HEXB: variants seen among roughly 807,000 people sequenced by gnomAD.
The protein encoded by HEXB is hexosaminidase subunit beta.
Under a neutral mutation model 71.2 loss-of-function variants are expected in HEXB, and 51 were observed. The observed-to-expected ratio is 0.72, with a 90% CI of 0.57 to 0.90. HEXB has a LOEUF of 0.90. Ranked by LOEUF, HEXB falls within the 40% of genes least tolerant of loss-of-function variation. The probability of loss-of-function intolerance (pLI) is 0.00; values close to 1 mark genes in which losing one functional copy is unlikely to be tolerated. For synonymous variants in HEXB, 266 were observed against 249.3 expected (o/e 1.07, Z -0.63); for missense variants, 617 against 677.0 (o/e 0.91, Z 0.98).
upstream of HEXB, among the ~76,000 whole-genome samples, chr5:74,684,956 C>T (rs1234084768): frequency 1.3e-5 from 2 of 152,164 alleles, no homozygotes. Context: ...GGGCTACAGG[C>T]GTGAGCCACC....
upstream of HEXB, among the ~76,000 whole-genome samples, chr5:74,684,107 C>A (rs1748793867): frequency 6.6e-6 from 1 of 152,214 alleles, no homozygotes; most frequent in Non-Finnish European, 1.5e-5. Context: ...GCGTGAGCCG[C>A]CGCACCTGGC....
At chr5:74,708,457 A>C (rs1490333146) in intron 6 of HEXB, among the ~76,000 whole-genome samples, 14 of 148,796 alleles carry the variant, frequency 9.4e-5, no homozygotes, top group African/African-American at 3.4e-4. Flanking sequence ...CTTTAAATGT[A>C]AATGGACTAA....
At chr5:74,692,522 T>A (rs1396099472) in intron 2 of HEXB, among the ~76,000 whole-genome samples, 1 of 152,156 alleles carries the variant, frequency 6.6e-6, no homozygotes, top group Non-Finnish European at 1.5e-5. Flanking sequence ...AGAGGAAACA[T>A]AATTAGACTA....
rs565782509 is a variant in HEXB at position 74,703,101 on chromosome 5, C to T, written c.670-2118C>T. Among the ~76,000 whole-genome samples the T allele has an allele frequency of 6.6e-5, 10 of 152,238 alleles. No homozygotes were observed. The East Asian group carries it at 7.7e-4, about 12-fold the overall frequency. Reference sequence around the variant, plus strand: ...CTGAGTAGCTGGAGTTACAGGCATCCGCCACCACGCCCAGCTAATTTTTCT... The same window carrying T: ...CTGAGTAGCTGGAGTTACAGGCATCTGCCACCACGCCCAGCTAATTTTTCT... On this transcript the variant is annotated intron_variant, in intron 5 of 13. Coordinates refer to ENST00000261416, the MANE Select transcript of HEXB (RefSeq NM_000521.4).
intron 7 of HEXB, among the ~76,000 whole-genome samples, chr5:74,713,877 G>A (rs887808351): frequency 7.9e-5 from 12 of 152,034 alleles, no homozygotes; most frequent in African/African-American, 1.2e-4. Context: ...GTCTCACTCC[G>A]TTGCCCAGGC....
intron 1 of HEXB, among the ~76,000 whole-genome samples, chr5:74,676,053 A>G (rs1203183713): frequency 6.6e-6 from 1 of 152,238 alleles, no homozygotes; most frequent in Middle Eastern, 3.2e-3. Context: ...GAAAGCCCCA[A>G]TATGGCAAAG....
intron 1 of HEXB, among the ~76,000 whole-genome samples, chr5:74,657,304 C>G (rs997169776): frequency 6.6e-6 from 1 of 152,214 alleles, no homozygotes; most frequent in African/African-American, 2.4e-5. Flanking sequence ...CCACCACTCT[C>G]CAGCCTCAGG....
intron 6 of HEXB, among the ~76,000 whole-genome samples, chr5:74,711,181 G>A (rs1749532110): frequency 6.8e-6 from 1 of 147,684 alleles, no homozygotes; most frequent in Non-Finnish European, 1.5e-5. Context: ...ACAAGCAATG[G>A]GGAAAGGATT....
intron 1 of HEXB, 107 bp from the exon 2 acceptor site, chr5:74,689,221 A>C: frequency 1.2e-6 from 1 of 857,532 alleles, no homozygotes; most frequent in Non-Finnish European, 2.0e-6. Context: ...TGGACTTACA[A>C]TGGGCAGCAT....
intron 1 of HEXB, among the ~76,000 whole-genome samples, chr5:74,648,834 T>A (rs1409646768): frequency 6.6e-6 from 1 of 152,222 alleles, no homozygotes; most frequent in Non-Finnish European, 1.5e-5. Context: ...TTTTGCTTTT[T>A]TTGCTTGTTT....
chr5:74,678,298 C>CATAAATAAATAA (rs78230461), intron 1 of HEXB, among the ~76,000 whole-genome samples: 23 of 145,174 alleles, frequency 1.6e-4, no homozygotes, highest in African/African-American at 4.8e-4. Flanking sequence ...AACTCCATCT[C>CATAAATAAATAA]ATAAATAAAT....
intron 1 of HEXB, among the ~76,000 whole-genome samples, chr5:74,672,091 T>C (rs1301995995): frequency 6.6e-6 from 1 of 152,198 alleles, no homozygotes; most frequent in Non-Finnish European, 1.5e-5. Flanking sequence ...TCCCGATATA[T>C]GTGATGCTTG....
chr5:74,698,147 G>A (rs1222646664), intron 5 of HEXB, among the ~76,000 whole-genome samples: 15 of 151,568 alleles, frequency 9.9e-5, no homozygotes, highest in Admixed American at 2.0e-4. Flanking sequence ...GCGCGATCTC[G>A]GCTCACTGCA....
chr5:74,658,936 G>C (rs539002579), intron 1 of HEXB, among the ~76,000 whole-genome samples: 1 of 152,116 alleles, frequency 6.6e-6, no homozygotes, highest in Admixed American at 6.5e-5. Flanking sequence ...CTATGTCCTT[G>C]AGCCTCACAG....
chr5:74,677,643 G>A (rs1389040869), intron 1 of HEXB, among the ~76,000 whole-genome samples: 1 of 151,522 alleles, frequency 6.6e-6, no homozygotes, highest in Non-Finnish European at 1.5e-5. Flanking sequence ...CACTGTCACT[G>A]CTTCTTTTTG....
In HEXB at chr5:74,718,956, C is replaced by G. The variant is rs745634561; in HGVS notation, c.1402C>G (p.Pro468Ala). The G allele has an allele frequency of 1.5e-5, 24 of 1,613,938 alleles. No individual in the cohort carries two copies. The highest frequency in any genetic ancestry group is 1.8e-5 in the Non-Finnish European group (21 of 1,180,000). The change falls in exon 11 of 14, where the codon CCT (proline) becomes GCT (alanine). Residue 468 changes from proline (P) to alanine (A), a missense_variant. By Grantham distance (27) the Pro-to-Ala change is conservative. Coordinates refer to ENST00000261416, the MANE Select transcript of HEXB (RefSeq NM_000521.4). The stretch of plus-strand genomic sequence containing the variant: ...TTGGAGGAAATACTATAAAGTGGAA[C>G]CTCTTGATTTTGGCGGTAAGTGAAG... Reference protein sequence around the residue: ...QDWRKYYKVEPLDFGGTQKQK... With the variant: ...QDWRKYYKVEALDFGGTQKQK...
chr5:74,660,841 G>T (rs966976096), intron 1 of HEXB, among the ~76,000 whole-genome samples: 1 of 152,166 alleles, frequency 6.6e-6, no homozygotes, highest in Non-Finnish European at 1.5e-5. Flanking sequence ...ATTGCCATTC[G>T]AGAAGAACCA....
chr5:74,670,519 C>G (rs557009607), intron 1 of HEXB, among the ~76,000 whole-genome samples: 6 of 152,314 alleles, frequency 3.9e-5, no homozygotes, highest in African/African-American at 1.2e-4. Context: ...TACTGTGGCC[C>G]TCTGCCCTCC....
chr5:74,649,296 C>T (rs13180736), intron 1 of HEXB, among the ~76,000 whole-genome samples: 5 of 152,238 alleles, frequency 3.3e-5, no homozygotes, highest in Admixed American at 3.3e-4. Context: ...GCCACTGCCC[C>T]CTCTGTGCAC....
Sources: gnomAD v4.1 joint callset for allele counts (sites outside exome capture counted in the v4.1 genomes callset) on GRCh38, gnomAD v4.1.1 for gene constraint, MANE v1.5 for transcripts, NCBI Gene and HGNC (gene_info 2026-07-23, HGNC 2026-07-21) for gene names.